Variants in CTNNA2 observed in about 807,000 individuals in gnomAD.
The protein encoded by CTNNA2 is catenin alpha 2.
CTNNA2 carries 42 observed loss-of-function variants against 101.0 expected under a neutral mutation model. That is an observed-to-expected ratio of 0.42 (90% CI 0.32 to 0.54). The LOEUF (loss-of-function observed/expected upper bound fraction) is 0.54, where lower values mean the gene tolerates loss of function less well. CTNNA2 is among the 20% of genes least tolerant of loss of function. The pLI, the probability that CTNNA2 is intolerant of heterozygous loss-of-function variation, is 0.14. For missense variants in CTNNA2, 871 were observed against 1,223.1 expected, an observed-to-expected ratio of 0.71 and a Z score of 4.29; for synonymous variants, 450 against 456.4, an observed-to-expected ratio of 0.99 and a Z score of 0.18.
chr2:79,374,517 T>TAC (rs1677942381), intron 4 of CTNNA2, among the ~76,000 whole-genome samples: 1 of 58,630 alleles, frequency 1.7e-5, no homozygotes, highest in Non-Finnish European at 3.1e-5. Flanking sequence ...GTAATATATA[T>TAC]ATATTTTTCT....
chr2:79,900,863 C>G (rs1685025459), intron 6 of CTNNA2, among the ~76,000 whole-genome samples: 2 of 152,106 alleles, frequency 1.3e-5, no homozygotes, highest in Non-Finnish European at 2.9e-5. Context: ...CTCATTTACC[C>G]TGATGTGATT....
chr2:79,447,139 C>T (rs945906516), intron 4 of CTNNA2, among the ~76,000 whole-genome samples: 2 of 151,918 alleles, frequency 1.3e-5, no homozygotes, highest in African/African-American at 4.8e-5. Context: ...GGTGTGTGTC[C>T]TTGTACCATC....
At chr2:80,546,940 A>G (rs1277949432) in intron 11 of CTNNA2, among the ~76,000 whole-genome samples, 1 of 152,044 alleles carries the variant, frequency 6.6e-6, no homozygotes. Flanking sequence ...GGTGTGTGGA[A>G]CTCACACCTA....
At chr2:79,584,212 T>C (rs1676325180) in intron 1 of CTNNA2, among the ~76,000 whole-genome samples, 1 of 152,188 alleles carries the variant, frequency 6.6e-6, no homozygotes, top group African/African-American at 2.4e-5. Context: ...GTAGGATTTC[T>C]TCTGTAAAGG....
rs10184823 is a variant in CTNNA2, at chr2:79,205,724, G to A, written c.-406+7648G>A. ...AGTGAAACCATTTCTCCATTGCCTCGTGAAGCTTCTAGTGGGAAAGGTCAA... is the reference window on the plus strand; with the variant it reads ...AGTGAAACCATTTCTCCATTGCCTCATGAAGCTTCTAGTGGGAAAGGTCAA... On this transcript the variant is annotated intron_variant, in intron 2 of 21. Transcript: ENST00000466387. Among the ~76,000 whole-genome samples the A allele has an allele frequency of 2.6e-3, 396 of 152,206 alleles. 2 individuals are homozygous for A. Among genetic ancestry groups the A allele is most frequent in the South Asian group, 0.019 (91 of 4,810 alleles).
At chr2:79,826,393 G>A (rs1213265546) in intron 3 of CTNNA2, among the ~76,000 whole-genome samples, 1 of 152,210 alleles carries the variant, frequency 6.6e-6, no homozygotes, top group Non-Finnish European at 1.5e-5. Flanking sequence ...TGGCTGGAGG[G>A]TAAATGTTGT....
chr2:79,997,116 T>C (rs181152952), intron 7 of CTNNA2, among the ~76,000 whole-genome samples: 3 of 152,252 alleles, frequency 2.0e-5, no homozygotes, highest in African/African-American at 7.2e-5. Context: ...TATAAGTCTC[T>C]TGAAAGGCAC....
chr2:79,482,463 CAT>C (rs1233477426), intron 4 of CTNNA2, among the ~76,000 whole-genome samples: 2 of 152,142 alleles, frequency 1.3e-5, no homozygotes, highest in Non-Finnish European at 2.9e-5. Context: ...GCCTGAAAAA[CAT>C]AAAGGCTTAG....
intron 7 of CTNNA2, among the ~76,000 whole-genome samples, chr2:80,356,423 G>C (rs893857057): frequency 6.6e-6 from 1 of 152,096 alleles, no homozygotes; most frequent in Admixed American, 6.6e-5. Context: ...CTGGAACTCA[G>C]TTATAAAAGA....
chr2:79,952,166 C>T (rs913620831), intron 7 of CTNNA2, among the ~76,000 whole-genome samples: 2 of 152,158 alleles, frequency 1.3e-5, no homozygotes, highest in African/African-American at 4.8e-5. Flanking sequence ...CTCCAGGCCA[C>T]CTAACTTAGC....
intron 7 of CTNNA2, among the ~76,000 whole-genome samples, chr2:79,938,779 CTGTT>C (rs1416479750): frequency 6.6e-6 from 1 of 152,082 alleles, no homozygotes; most frequent in Non-Finnish European, 1.5e-5. Context: ...TACTACAAGG[CTGTT>C]TGATTCATTG....
intron 18 of CTNNA2, among the ~76,000 whole-genome samples, chr2:80,621,653 G>T (rs955153741): frequency 6.6e-6 from 1 of 151,962 alleles, no homozygotes; most frequent in African/African-American, 2.4e-5. Flanking sequence ...TCTTACTGGG[G>T]CTTCAAAGTT....
chr2:80,360,315 A>G (rs571051990), intron 7 of CTNNA2, among the ~76,000 whole-genome samples: 1 of 152,288 alleles, frequency 6.6e-6, no homozygotes, highest in Admixed American at 6.5e-5. Context: ...GACACACCGT[A>G]TATTTTTTGA....
intron 18 of CTNNA2, among the ~76,000 whole-genome samples, chr2:80,644,848 C>G (rs1019709713): frequency 1.3e-5 from 2 of 151,602 alleles, no homozygotes; most frequent in African/African-American, 4.8e-5. Context: ...ATCTCACTCT[C>G]AAACAGTGTA....
intron 3 of CTNNA2, among the ~76,000 whole-genome samples, chr2:79,757,120 C>T (rs912671843): frequency 7.9e-5 from 12 of 152,236 alleles, no homozygotes; most frequent in Admixed American, 4.6e-4. Flanking sequence ...AATCTTGTTC[C>T]ATTTTCTAAA....
At chr2:79,650,885 T>C (rs1242162041) in intron 1 of CTNNA2, among the ~76,000 whole-genome samples, 1 of 148,904 alleles carries the variant, frequency 6.7e-6, no homozygotes, top group Non-Finnish European at 1.5e-5. Flanking sequence ...GAATATGCGG[T>C]GTGTGGTTTT....
chr2:79,741,163 G>C (rs1671263427), intron 2 of CTNNA2, among the ~76,000 whole-genome samples: 1 of 152,118 alleles, frequency 6.6e-6, no homozygotes, highest in Non-Finnish European at 1.5e-5. Flanking sequence ...AGTTTAAAAA[G>C]ATAGACCCAA....
chr2:79,807,045 T>C (rs1228083088), intron 3 of CTNNA2, among the ~76,000 whole-genome samples: 1 of 152,140 alleles, frequency 6.6e-6, no homozygotes, highest in Non-Finnish European at 1.5e-5. Flanking sequence ...ACTTCTCTGC[T>C]CTCTCCCTGG....
intron 4 of CTNNA2, chr2:79,499,062 A>G (rs1454756178): frequency 6.6e-6 from 1 of 152,202 alleles, no homozygotes; most frequent in Non-Finnish European, 1.5e-5. Context: ...ACCCTCTGTG[A>G]GTACATAATC....
Sources: allele counts gnomAD v4.1 joint callset (sites outside exome capture counted in the v4.1 genomes callset), GRCh38; gene constraint gnomAD v4.1.1; transcripts MANE v1.5; gene names NCBI Gene and HGNC (gene_info 2026-07-23, HGNC 2026-07-21).